Variants in CNTLN observed in about 807,000 individuals in gnomAD.
CNTLN encodes centlein, also known as centlein, centrosomal protein.
A neutral mutation model predicts 180.0 loss-of-function variants in CNTLN; 212 were observed. The ratio of observed to expected loss-of-function variants is 1.18; its 90% CI spans 1.05 to 1.32. CNTLN has a LOEUF of 1.32. Ranked by LOEUF, CNTLN falls within the 40% of genes most tolerant of loss-of-function variation. CNTLN has a pLI of 0.00. For missense variants in CNTLN, 2,095 were observed against 1,610.9 expected, an observed-to-expected ratio of 1.30 and a Z score of -5.14; for synonymous variants, 722 against 563.1, an observed-to-expected ratio of 1.28 and a Z score of -3.99.
At chr9:17,266,940 A>G (rs200349457) in intron 5 of CNTLN, among the ~76,000 whole-genome samples, 17,963 of 151,874 alleles carry the variant, frequency 0.12, 1,345 homozygotes, top group African/African-American at 0.21. Flanking sequence ...GTCTCTGCAC[A>G]TGAGATGGGT....
rs529449210 is a variant in CNTLN at position 17,227,504 on chromosome 9, C to T, written c.534+1217C>T. Among the ~76,000 whole-genome samples the T allele has an allele frequency of 4.6e-5, 7 of 152,058 alleles. No individual in the cohort carries two copies. The East Asian group carries it at 9.7e-4, about 21-fold the overall frequency. On this transcript the variant is annotated intron_variant, in intron 3 of 25. Transcript: ENST00000380647. ...TTTAAATTCATTTTATACTCAAGCT[C>T]ATTACGGAGTAAATAAATTATAATT...
intron 2 of CNTLN, among the ~76,000 whole-genome samples, chr9:17,169,292 T>A (rs993252378): frequency 8.5e-5 from 13 of 152,138 alleles, no homozygotes; most frequent in Non-Finnish European, 1.6e-4. Flanking sequence ...GCCACCACAC[T>A]TGGCCTTAGA....
chr9:17,380,609 A>G (rs4961554), intron 13 of CNTLN, among the ~76,000 whole-genome samples: 126,951 of 152,082 alleles, frequency 0.83, 53,178 homozygotes, highest in Non-Finnish European at 0.87. Context: ...ATTACCTATG[A>G]CCAAGCCTGA....
chr9:17,492,915 A>C (rs1275507460), intron 25 of CNTLN, among the ~76,000 whole-genome samples: 4 of 152,214 alleles, frequency 2.6e-5, no homozygotes, highest in Non-Finnish European at 5.9e-5. Context: ...AAAAGGCATG[A>C]AGTACTGAAA....
chr9:17,383,179 A>G (rs1403393528), intron 13 of CNTLN, among the ~76,000 whole-genome samples: 4 of 152,164 alleles, frequency 2.6e-5, no homozygotes, highest in South Asian at 4.1e-4. Context: ...ATATCTATAT[A>G]AATGATTTAT....
chr9:17,190,193 A>C (rs980405163), intron 2 of CNTLN, among the ~76,000 whole-genome samples: 1 of 149,422 alleles, frequency 6.7e-6, no homozygotes, highest in Non-Finnish European at 1.5e-5. Flanking sequence ...TTACTTCATT[A>C]GTTACCTTTC....
intron 23 of CNTLN, among the ~76,000 whole-genome samples, chr9:17,479,120 G>A (rs534140563): frequency 6.6e-6 from 1 of 152,288 alleles, no homozygotes; most frequent in African/African-American, 2.4e-5. Context: ...CAGCTGCTAT[G>A]GAAAACAGTG....
chr9:17,332,772 T>C, intron 10 of CNTLN, 42 bp downstream of exon 10: 2 of 1,497,732 alleles, frequency 1.3e-6, no homozygotes, highest in Middle Eastern at 1.8e-4. Flanking sequence ...CTTGCAAAGA[T>C]AAAAATATAC....
Position 17,348,554 on chromosome 9 carries a change from G to A in CNTLN, c.1886+6110G>A, listed in dbSNP as rs7869727. On this transcript the variant is annotated intron_variant, in intron 12 of 25. Coordinates refer to ENST00000380647, the MANE Select transcript of CNTLN (RefSeq NM_017738.4). ...TTTCTTTTTTTTTTTTTTTTGAGACGGAGTCTTGCTCTGTCGCCCAGGCTG... is the reference window on the plus strand; with the variant it reads ...TTTCTTTTTTTTTTTTTTTTGAGACAGAGTCTTGCTCTGTCGCCCAGGCTG... 2.7e-5 allele frequency among the ~76,000 whole-genome samples: 4 copies of A among 148,058 alleles called. No individual in the cohort carries two copies. In the South Asian group the frequency reaches 6.5e-4, roughly 24 times the overall value.
intron 18 of CNTLN, among the ~76,000 whole-genome samples, chr9:17,425,832 C>A (rs571731334): frequency 6.6e-6 from 1 of 152,096 alleles, no homozygotes; most frequent in African/African-American, 2.4e-5. Context: ...AATTTCTAAG[C>A]AAGCATTACA....
the CNTLN span, among the ~76,000 whole-genome samples, chr9:17,517,700 AT>A: frequency 6.6e-6 from 1 of 152,110 alleles, no homozygotes; most frequent in African/African-American, 2.4e-5. Context: ...CAGCAAGGCC[AT>A]TGGAGGGAAC....
chr9:17,140,343 T>A (rs1327500700), intron 1 of CNTLN, among the ~76,000 whole-genome samples: 1 of 152,254 alleles, frequency 6.6e-6, no homozygotes, highest in Non-Finnish European at 1.5e-5. Context: ...CATGGTGTTA[T>A]AGTTAATAAC....
chr9:17,383,158 C>T (rs1375410899), intron 13 of CNTLN, among the ~76,000 whole-genome samples: 4 of 151,892 alleles, frequency 2.6e-5, no homozygotes, highest in Non-Finnish European at 5.9e-5. Flanking sequence ...TATGTATATA[C>T]ACACACAAAT....
At chr9:17,162,481 G>A (rs1819752036) in intron 2 of CNTLN, among the ~76,000 whole-genome samples, 1 of 152,114 alleles carries the variant, frequency 6.6e-6, no homozygotes, top group South Asian at 2.1e-4. Flanking sequence ...GAATAGCATT[G>A]CCTTAAGTTC....
Position 17,465,910 on chromosome 9 carries a change from T to C in CNTLN, c.3532-71T>C, listed in dbSNP as rs1588059105. 13 of 1,209,724 alleles carry C rather than the reference T, an allele frequency of 1.1e-5. No individual in the cohort carries two copies. The East Asian group carries it at 3.0e-4, about 28-fold the overall frequency. 74.9% of individuals were successfully genotyped at this position (1,209,724 alleles called of 1,614,324 possible). On this transcript the variant is annotated intron_variant, in intron 21 of 25. Coordinates refer to ENST00000380647, the MANE Select transcript of CNTLN (RefSeq NM_017738.4). The stretch of plus-strand genomic sequence containing the variant: ...TAGACTCATTCACTCATTTAGTTTC[T>C]GTTGGAACAAACACAGTATATTACT...
chr9:17,145,984 A>G lies in CNTLN; in HGVS notation c.449+2608A>G, dbSNP rs143327072. Among the ~76,000 whole-genome samples the G allele has an allele frequency of 4.0e-3, 616 of 152,246 alleles. 1 individual carries two copies. The highest frequency in any genetic ancestry group is 0.014 in the African/African-American group (564 of 41,534). ...TTGAAAGCATAGTTCTGTTATCTAA[A>G]TTGAGCATACAGTAATGCTACCAAG... On this transcript the variant is annotated intron_variant, in intron 2 of 25. Coordinates refer to ENST00000380647, the MANE Select transcript of CNTLN (RefSeq NM_017738.4).
chr9:17,465,701 A>G (rs1022663184), intron 21 of CNTLN, among the ~76,000 whole-genome samples: 3 of 151,248 alleles, frequency 2.0e-5, no homozygotes, highest in Non-Finnish European at 4.4e-5. Flanking sequence ...TTAGTAATTA[A>G]TGGATATGTA....
At chr9:17,463,078 C>A in intron 20 of CNTLN, 65 bp downstream of exon 20, 3 of 897,586 alleles carry the variant, frequency 3.3e-6, no homozygotes, top group Non-Finnish European at 5.2e-6. Flanking sequence ...CTCTATTAAA[C>A]GTGCTCCAAG....
chr9:17,525,319 A>G, the CNTLN span, among the ~76,000 whole-genome samples: 1 of 152,222 alleles, frequency 6.6e-6, no homozygotes, highest in Non-Finnish European at 1.5e-5. Context: ...TTCTAAAAGA[A>G]AGGTAAAGTC....
Sources: gnomAD v4.1 joint callset for allele counts (sites outside exome capture counted in the v4.1 genomes callset) on GRCh38, gnomAD v4.1.1 for gene constraint, MANE v1.5 for transcripts, NCBI Gene and HGNC (gene_info 2026-07-23, HGNC 2026-07-21) for gene names.